Variants in NECAP2 observed in about 807,000 individuals in gnomAD.
The protein encoded by NECAP2 is adaptin ear-binding coat-associated protein 2.
NECAP2 carries 38 observed loss-of-function variants against 37.8 expected under a neutral mutation model. That is an observed-to-expected ratio of 1.01 (90% CI 0.78 to 1.32). The LOEUF is 1.32. Among genes scored for constraint, NECAP2 ranks in the 40% most tolerant of loss-of-function variants. NECAP2 has a pLI of 0.00. For synonymous variants in NECAP2, 121 were observed against 127.7 expected (o/e 0.95, Z 0.35); for missense variants, 316 against 334.5 (o/e 0.94, Z 0.43).
rs1309343472 is a variant in NECAP2, at chr1:16,440,833, G to A, written c.72G>A (p.Arg24=). 1.2e-6 allele frequency: 2 copies of A among 1,614,126 alleles called. No individual in the cohort carries two copies. The highest frequency in any genetic ancestry group is 1.7e-5 in the Admixed American group (1 of 60,030). The change falls in exon 1 of 8, where the codon CGG becomes CGA. Residue 24 remains arginine, a synonymous_variant. Coordinates refer to ENST00000337132, the MANE Select transcript of NECAP2 (RefSeq NM_018090.5). ...TCCACGTCTACCGCATCCCTCCGCG[G>A]GCTACCAACCGTGGCTACAGGTGAC... ...PDVHVYRIPP[R]ATNRGYRAAE... is the part of the protein sequence containing the mutation.
intron 7 of NECAP2, among the ~76,000 whole-genome samples, chr1:16,458,154 A>G (rs1198453212): frequency 6.6e-6 from 1 of 152,238 alleles, no homozygotes; most frequent in Non-Finnish European, 1.5e-5. Context: ...AGTTCTGATT[A>G]TTCAGATGAT....
intron 1 of NECAP2, 141 bp from the exon 2 acceptor site, chr1:16,443,491 G>A: frequency 3.0e-6 from 2 of 670,606 alleles, no homozygotes; most frequent in East Asian, 2.7e-5. Flanking sequence ...GGCCTGTAGA[G>A]CCAAAGATAT....
chr1:16,450,952 C>CA (rs1385405101), intron 5 of NECAP2: 4 of 152,026 alleles, frequency 2.6e-5, no homozygotes, highest in Non-Finnish European at 4.4e-5. Context: ...AACTCTGGCT[C>CA]AAAAAACAAA....
At chr1:16,447,510 G>A (rs1042195089) in intron 2 of NECAP2, among the ~76,000 whole-genome samples, 3 of 152,140 alleles carry the variant, frequency 2.0e-5, no homozygotes, top group African/African-American at 7.2e-5. Context: ...GACACTCAGG[G>A]TTCAGGTAAT....
intron 7 of NECAP2, 38 bp from the exon 8 acceptor site, chr1:16,458,804 T>C: frequency 6.2e-7 from 1 of 1,608,876 alleles, no homozygotes. Flanking sequence ...TTTTCAAAGA[T>C]CTGAACTCCC....
In NECAP2 at chr1:16,440,807, G is replaced by A; in HGVS notation, c.46G>A (p.Val16Ile). ...GTCGGTGCTCTGTGTCAAGCCTGAC[G>A]TCCACGTCTACCGCATCCCTCCGCG... ...YESVLCVKPD[V>I]HVYRIPPRAT... The change falls in exon 1 of 8, where the codon GTC becomes ATC. Residue 16 changes from valine (V) to isoleucine (I), a missense_variant. Transcript: ENST00000337132. The A allele has an allele frequency of 6.2e-7, 1 of 1,614,202 alleles. No homozygotes were observed. The highest frequency in any genetic ancestry group is 8.5e-7 in the Non-Finnish European group (1 of 1,180,020).
Position 16,459,011 on chromosome 1 carries a change from CCTT to C in NECAP2, c.*122_*124del, listed in dbSNP as rs762562655. 139 of 1,574,304 alleles carry C rather than the reference CCTT, an allele frequency of 8.8e-5. No homozygotes were observed. The highest frequency in any genetic ancestry group is 3.3e-4 in the Middle Eastern group (2 of 5,988). ...TTGGGGCATGAATCTCTCCTCTCCT[CCTT>C]GTCTGGCTCTGTTGACAAACCGGGC... On this transcript the variant is annotated 3_prime_UTR_variant, in exon 8 of 8. Transcript: ENST00000337132.
chr1:16,451,213 A>G (rs1161486703), intron 5 of NECAP2: 1 of 152,254 alleles, frequency 6.6e-6, no homozygotes, highest in Non-Finnish European at 1.5e-5. Flanking sequence ...TGTTGCGTGT[A>G]GTTTGTTCAT....
chr1:16,457,774 GTGATGTCGGCTCAC>G (rs1220321813), intron 7 of NECAP2, among the ~76,000 whole-genome samples: 1 of 147,404 alleles, frequency 6.8e-6, no homozygotes, highest in Non-Finnish European at 1.5e-5. Flanking sequence ...GTGCAGTGGC[GTGATGTCGGCTCAC>G]TGCATCCTTG....
At chr1:16,445,817 T>C (rs1348332110) in intron 2 of NECAP2, among the ~76,000 whole-genome samples, 3 of 151,866 alleles carry the variant, frequency 2.0e-5, no homozygotes, top group Admixed American at 2.0e-4. Flanking sequence ...GGCACAAGAA[T>C]CACTTGAACC....
intron 5 of NECAP2, 151 bp downstream of exon 5, chr1:16,449,352 A>G (rs1277804065): frequency 3.3e-6 from 2 of 602,610 alleles, no homozygotes; most frequent in Non-Finnish European, 5.9e-6. Flanking sequence ...GGGGTGAACA[A>G]GAGACCTCTG....
chr1:16,455,253 A>G lies in NECAP2; in HGVS notation c.668-565A>G, dbSNP rs1012729185. Among the ~76,000 whole-genome samples the G allele has an allele frequency of 3.3e-5, 5 of 152,166 alleles. No homozygotes were observed. In the East Asian group the frequency reaches 5.8e-4, roughly 18 times the overall value. ...GCATTGCAGCCCCATGGCGTCGCCT[A>G]CCTTGGTGGAGAGATAGGATTGAGC... On this transcript the variant is annotated intron_variant, in intron 6 of 7. Transcript: ENST00000337132.
chr1:16,452,158 A>G (rs2086854560), intron 6 of NECAP2, 143 bp downstream of exon 6: 1 of 874,472 alleles, frequency 1.1e-6, no homozygotes, highest in Non-Finnish European at 1.7e-6. Context: ...GGGCACCCAA[A>G]GCTCATTCTG....
At chr1:16,458,767 G>A in intron 7 of NECAP2, 75 bp from the exon 8 acceptor site, 1 of 1,542,650 alleles carries the variant, frequency 6.5e-7, no homozygotes, top group East Asian at 2.2e-5. Flanking sequence ...TCTGTCCAGA[G>A]AGAAACCAAC....
rs769495524 is a variant in NECAP2, at chr1:16,455,805, G to A, written c.668-13G>A. 1 of 1,612,336 alleles carries A rather than the reference G, an allele frequency of 6.2e-7. No individual in the cohort carries two copies. ...CTTCTCTTCCTACGGGTCGGACTCG[G>A]GAACATCAATAGGAGGTGCTCCTGT... On this transcript the variant is annotated splice_polypyrimidine_tract_variant and intron_variant, in intron 6 of 7. Transcript: ENST00000337132.
At chr1:16,457,322 G>C (rs2086935633) in intron 7 of NECAP2, among the ~76,000 whole-genome samples, 1 of 152,026 alleles carries the variant, frequency 6.6e-6, no homozygotes, top group Non-Finnish European at 1.5e-5. Flanking sequence ...TGGGCGTGGT[G>C]GGGTGGTGCC....
intron 1 of NECAP2, among the ~76,000 whole-genome samples, chr1:16,442,936 C>T (rs2086709539): frequency 6.6e-6 from 1 of 152,154 alleles, no homozygotes; most frequent in Non-Finnish European, 1.5e-5. Flanking sequence ...AAATTAGAGC[C>T]AAAAGAGGCA....
chr1:16,457,988 G>A (rs2086951876), intron 7 of NECAP2, among the ~76,000 whole-genome samples: 1 of 151,994 alleles, frequency 6.6e-6, no homozygotes, highest in Admixed American at 6.6e-5. Flanking sequence ...TGGGATTACA[G>A]GCGTGAACTA....
At chr1:16,451,416 A>G (rs375291357) in intron 5 of NECAP2, 3 of 163,920 alleles carry the variant, frequency 1.8e-5, no homozygotes, top group East Asian at 1.9e-4. Flanking sequence ...CTGCGGAGTC[A>G]TAAGTTTAAG....
Sources: allele counts gnomAD v4.1 joint callset (sites outside exome capture counted in the v4.1 genomes callset), GRCh38; gene constraint gnomAD v4.1.1; transcripts MANE v1.5; gene names NCBI Gene and HGNC (gene_info 2026-07-23, HGNC 2026-07-21).